POU2F3: variants seen among roughly 807,000 people sequenced by gnomAD.
POU2F3 encodes the protein POU domain, class 2, transcription factor 3.
POU2F3 carries 23 observed loss-of-function variants against 59.2 expected under a neutral mutation model. The observed-to-expected ratio is 0.39, with a 90% CI of 0.28 to 0.55. The LOEUF (loss-of-function observed/expected upper bound fraction) is 0.55, where lower values mean the gene tolerates loss of function less well. Ranked by LOEUF, POU2F3 falls within the 20% of genes least tolerant of loss-of-function variation. The pLI, the probability that POU2F3 is intolerant of heterozygous loss-of-function variation, is 0.66. For missense variants in POU2F3, 473 were observed against 544.5 expected, an observed-to-expected ratio of 0.87 and a Z score of 1.31; for synonymous variants, 190 against 214.6, an observed-to-expected ratio of 0.89 and a Z score of 1.00.
chr11:120,299,714 C>G lies in POU2F3; in HGVS notation c.349C>G (p.Pro117Ala), dbSNP rs1941291414. The stretch of plus-strand genomic sequence containing the variant: ...CCAGTTCCTGCTATCTCAGACCCAG[C>G]CTGGGCAGCAAGGTAAGAACCCTGG... ...VSQFLLSQTQ[P>A]GQQGLQPNLL... Residue 117 changes from proline (P) to alanine (A), a missense_variant, in exon 5 of 13, where the codon CCT (proline) becomes GCT (alanine). Pro to Ala is a conservative substitution (Grantham distance 27). Coordinates refer to ENST00000543440, the MANE Select transcript of POU2F3 (RefSeq NM_014352.4). 6.2e-7 allele frequency: 1 copy of G among 1,612,482 alleles called. No individual in the cohort carries two copies. Among genetic ancestry groups the G allele is most frequent in the African/African-American group, 1.3e-5 (1 of 75,038 alleles).
chr11:120,237,012 G>A (rs1938522661), upstream of POU2F3, among the ~76,000 whole-genome samples: 1 of 152,184 alleles, frequency 6.6e-6, no homozygotes, highest in Non-Finnish European at 1.5e-5. Context: ...CTCGTTATCT[G>A]ATAAGAGAAG....
intron 5 of POU2F3, chr11:120,300,813 A>G (rs1158095273): frequency 1.6e-5 from 5 of 316,754 alleles, no homozygotes; most frequent in Admixed American, 8.6e-5. Context: ...TGTTGCACAA[A>G]TCCCAAGTAG....
intron 3 of POU2F3, among the ~76,000 whole-genome samples, chr11:120,280,540 G>A (rs534963046): frequency 5.9e-5 from 9 of 152,236 alleles, no homozygotes; most frequent in African/African-American, 2.2e-4. Flanking sequence ...CTTGCCCAAG[G>A]TGGAGCTCAG....
At chr11:120,284,865 T>C (rs1555076200) in intron 3 of POU2F3, among the ~76,000 whole-genome samples, 2 of 152,194 alleles carry the variant, frequency 1.3e-5, no homozygotes, top group Non-Finnish European at 1.5e-5. Flanking sequence ...CTCAGCAGCA[T>C]CCCACAGAGC....
At chr11:120,240,458 G>A (rs1938613953) in intron 1 of POU2F3, 87 bp downstream of exon 1, 16 of 1,271,906 alleles carry the variant, frequency 1.3e-5, no homozygotes, top group Non-Finnish European at 1.6e-5. Context: ...GTTAGGGAGG[G>A]GGGCTTGTTT....
chr11:120,237,102 C>T (rs1938524165), upstream of POU2F3, among the ~76,000 whole-genome samples: 2 of 152,280 alleles, frequency 1.3e-5, no homozygotes, highest in African/African-American at 4.8e-5. Context: ...TAAATACCAA[C>T]TCTGTAGTCT....
At chr11:120,314,323 G>C (rs1168933063) in intron 10 of POU2F3, among the ~76,000 whole-genome samples, 1 of 152,224 alleles carries the variant, frequency 6.6e-6, no homozygotes. Context: ...CACCTGGTCA[G>C]AGCTTCCCCT....
rs1250218657 is a variant in POU2F3 at position 120,251,286 on chromosome 11, T to C, written c.97+4769T>C. On this transcript the variant is annotated intron_variant, in intron 2 of 12. Transcript: ENST00000543440. ...ACCATGCCCGGCTGACAACCATCTC[T>C]AGATGAAGCACATGTGTGAGCCTGT... 2.6e-5 allele frequency among the ~76,000 whole-genome samples: 4 copies of C among 152,356 alleles called. No homozygotes were observed. In the East Asian group the frequency reaches 7.7e-4, roughly 29 times the overall value.
At chr11:120,301,336 G>A in intron 5 of POU2F3, 1 of 262,358 alleles carries the variant, frequency 3.8e-6, no homozygotes, top group South Asian at 4.4e-5. Context: ...TGTCAGAATT[G>A]CCATTAGTAC....
At chr11:120,236,728 C>A (rs1033939046), upstream of POU2F3, 2 of 1,461,352 alleles carry the variant, frequency 1.4e-6, no homozygotes, top group Admixed American at 2.0e-5. Context: ...TCTCTACGTT[C>A]CCATTCTAGC....
chr11:120,247,142 A>G (rs894607237), intron 2 of POU2F3, among the ~76,000 whole-genome samples: 1 of 152,226 alleles, frequency 6.6e-6, no homozygotes, highest in Admixed American at 6.5e-5. Flanking sequence ...AGAGAGTTTC[A>G]TAGCTCTCTA....
In POU2F3 at chr11:120,255,822, G is replaced by A. The variant is rs149027018; in HGVS notation, c.97+9305G>A. Reference sequence around the variant, plus strand: ...CAGTGTCCTGAGGACATCTGAGTTCGTGGGAAGGACCACTGCGTGAATTCT... The same window carrying A: ...CAGTGTCCTGAGGACATCTGAGTTCATGGGAAGGACCACTGCGTGAATTCT... On this transcript the variant is annotated intron_variant, in intron 2 of 12. Transcript: ENST00000543440. Among the ~76,000 whole-genome samples, 374 of 152,272 alleles carry A rather than the reference G, an allele frequency of 2.5e-3. 3 individuals carry two copies. Among genetic ancestry groups the A allele is most frequent in the African/African-American group, 8.4e-3 (350 of 41,538 alleles).
In POU2F3 at chr11:120,307,541, T is replaced by C; in HGVS notation, c.832T>C (p.Phe278Leu). 1 of 1,614,076 alleles carries C rather than the reference T, an allele frequency of 6.2e-7. No individual in the cohort carries two copies. The highest frequency in any genetic ancestry group is 8.5e-7 in the Non-Finnish European group (1 of 1,180,002). The change falls in exon 9 of 13, where the codon TTT becomes CTT. Residue 278 changes from phenylalanine to leucine, a missense_variant. Coordinates refer to ENST00000543440, the MANE Select transcript of POU2F3 (RefSeq NM_014352.4). Reference sequence around the variant, plus strand: ...CTCCTACCCCAGCCTCAGTGAAGTATTTGGTAGGAAGAGAAAGAAACGGAC... The same window carrying C: ...CTCCTACCCCAGCCTCAGTGAAGTACTTGGTAGGAAGAGAAAGAAACGGAC... ...PSSYPSLSEV[F>L]GRKRKKRTSI...
chr11:120,286,827 T>A (rs1940799234), intron 3 of POU2F3, among the ~76,000 whole-genome samples: 1 of 152,202 alleles, frequency 6.6e-6, no homozygotes, highest in South Asian at 2.1e-4. Context: ...TGAGCTTTTT[T>A]TTTTGTGAAT....
chr11:120,297,026 T>A (rs1941210332), intron 3 of POU2F3, among the ~76,000 whole-genome samples: 1 of 152,232 alleles, frequency 6.6e-6, no homozygotes, highest in Non-Finnish European at 1.5e-5. Flanking sequence ...TCAGTGATAT[T>A]CGCAGTGTAG....
At position 120,319,460 on chromosome 11, in the gene POU2F3, T is replaced by TTTTTG. The variant is rs1555083314; in HGVS notation, c.*1070_*1071insTTGTT. The TTTTTG allele has an allele frequency of 6.8e-6, 1 of 147,598 alleles. No homozygotes were observed. Among genetic ancestry groups the TTTTTG allele is most frequent in the African/African-American group, 2.6e-5 (1 of 39,120 alleles). 9.1% of individuals were successfully genotyped at this position (147,598 alleles called of 1,614,324 possible). ...TTTCTTTTTCTTTTTTTTTTTTTTT[T>TTTTTG]TTGAGACAGTCTTGCTCCAGCCCAG... On this transcript the variant is annotated 3_prime_UTR_variant, in exon 13 of 13. Transcript: ENST00000543440.
intron 12 of POU2F3, 140 bp downstream of exon 12, chr11:120,317,504 G>A (rs1389494434): frequency 1.6e-6 from 2 of 1,221,656 alleles, no homozygotes; most frequent in African/African-American, 1.5e-5. Flanking sequence ...AGGACAGAGT[G>A]ACAGCCAGAC....
Position 120,298,333 on chromosome 11 carries a change from A to C in POU2F3, c.201A>C (p.Gln67His), listed in dbSNP as rs754021380. The C allele has an allele frequency of 5.0e-6, 8 of 1,613,772 alleles. No homozygotes were observed. The Admixed American group carries it at 1.3e-4, about 27-fold the overall frequency. Reference protein sequence around the residue: ...TLSHRPCHLSQGPAMMSGNQM... With the variant: ...TLSHRPCHLSHGPAMMSGNQM... ...CCCATCGGCCATGCCACCTGAGTCA[A>C]GGACCTGCCATGATGTCCGGAAACC... The change falls in exon 4 of 13, where the codon CAA becomes CAC. Residue 67 changes from glutamine to histidine, a missense_variant. Gln to His is a conservative substitution (Grantham distance 24). Transcript: ENST00000543440.
At chr11:120,266,646 C>T (rs1345354131) in intron 2 of POU2F3, among the ~76,000 whole-genome samples, 2 of 152,142 alleles carry the variant, frequency 1.3e-5, no homozygotes, top group South Asian at 2.1e-4. Context: ...CTCAGGACTT[C>T]GAAAGACTGG....
Sources: allele counts gnomAD v4.1 joint callset (sites outside exome capture counted in the v4.1 genomes callset), GRCh38; gene constraint gnomAD v4.1.1; transcripts MANE v1.5; gene names NCBI Gene and HGNC (gene_info 2026-07-23, HGNC 2026-07-21).